The following TULP3 variants were observed in gnomAD, a reference collection of about 807,000 sequenced individuals.
TULP3 encodes the protein tubby-related protein 3.
Under a neutral mutation model 50.7 loss-of-function variants are expected in TULP3, and 38 were observed. The observed-to-expected ratio is 0.75, with a 90% CI of 0.58 to 0.98. The LOEUF (loss-of-function observed/expected upper bound fraction) is 0.98. Among genes scored for constraint, TULP3 ranks in the 50% least tolerant of loss-of-function variants. TULP3 has a pLI of 0.00. For synonymous variants in TULP3, 183 were observed against 196.6 expected (o/e 0.93, Z 0.58); for missense variants, 550 against 568.0 (o/e 0.97, Z 0.32).
chr12:2,931,184 G>C lies in TULP3; in HGVS notation c.640G>C (p.Asp214His), dbSNP rs376478642. 6.2e-7 allele frequency: 1 copy of C among 1,614,118 alleles called. No homozygotes were observed. The highest frequency in any genetic ancestry group is 8.5e-7 in the Non-Finnish European group (1 of 1,180,054). ...CRIIRDKRGM[D>H]RGLFPTYYMY... is the part of the protein sequence containing the mutation. ...GATAATCCGGGATAAAAGGGGAATGGATCGGGGTCTCTTCCCCACCTACTA... is the reference window on the plus strand; with the variant it reads ...GATAATCCGGGATAAAAGGGGAATGCATCGGGGTCTCTTCCCCACCTACTA... Residue 214 changes from aspartate to histidine, a missense_variant, in exon 6 of 11, where the codon GAT (aspartate) becomes CAT (histidine). Coordinates refer to ENST00000448120, the MANE Select transcript of TULP3 (RefSeq NM_003324.5).
At chr12:2,932,902 T>C (rs1015068158) in intron 6 of TULP3, among the ~76,000 whole-genome samples, 1 of 152,060 alleles carries the variant, frequency 6.6e-6, no homozygotes, top group African/African-American at 2.4e-5. Flanking sequence ...TTAGAAAAAC[T>C]GTATAGGAAG....
chr12:2,920,720 G>T, intron 2 of TULP3, 43 bp from the exon 3 acceptor site: 1 of 1,610,672 alleles, frequency 6.2e-7, no homozygotes, highest in Non-Finnish European at 8.5e-7. Context: ...GTTAGGTCAT[G>T]TCAAAACTCT....
chr12:2,903,864 A>G (rs1051450062), intron 1 of TULP3, among the ~76,000 whole-genome samples: 3 of 151,346 alleles, frequency 2.0e-5, no homozygotes, highest in African/African-American at 7.3e-5. Context: ...GCTCACTGCA[A>G]CCTCCGCCTC....
At chr12:2,901,497 T>G (rs1315755563) in intron 1 of TULP3, among the ~76,000 whole-genome samples, 1 of 151,990 alleles carries the variant, frequency 6.6e-6, no homozygotes, top group Non-Finnish European at 1.5e-5. Flanking sequence ...TTCTCCTGCC[T>G]CAGCCTCTTG....
intron 1 of TULP3, among the ~76,000 whole-genome samples, chr12:2,895,126 T>TAAA (rs1403822003): frequency 7.2e-5 from 11 of 152,238 alleles, no homozygotes; most frequent in Non-Finnish European, 1.3e-4. Flanking sequence ...GAATGCTTTT[T>TAAA]GCTTTTGCTG....
intron 4 of TULP3, among the ~76,000 whole-genome samples, chr12:2,923,514 G>T (rs2098192956): frequency 6.6e-6 from 1 of 152,024 alleles, no homozygotes; most frequent in African/African-American, 2.4e-5. Context: ...GCCAAGCATG[G>T]TGGTGGGTGC....
chr12:2,937,765 T>C (rs1399085864), intron 9 of TULP3, 36 bp downstream of exon 9: 3 of 1,430,314 alleles, frequency 2.1e-6, no homozygotes, highest in East Asian at 2.3e-5. Flanking sequence ...TGAAAGACTC[T>C]AAAAGACAGT....
rs56834874 is a variant in TULP3 at position 2,894,538 on chromosome 12, A to AACACACACAC, written c.41+3569_41+3578dup. Among the ~76,000 whole-genome samples the AACACACACAC allele has an allele frequency of 2.2e-3, 327 of 147,822 alleles. 1 individual carries two copies. The highest frequency in any genetic ancestry group is 7.2e-3 in the African/African-American group (288 of 40,026). ...TGACAGAGCAAGACTCCGTCTCAAA[A>AACACACACAC]ACACACACACACACACACACACACA... is the stretch of plus-strand genomic sequence containing the variant. On this transcript the variant is annotated intron_variant, in intron 1 of 10. Coordinates refer to ENST00000448120, the MANE Select transcript of TULP3 (RefSeq NM_003324.5).
chr12:2,922,536 GT>G, intron 4 of TULP3, 134 bp downstream of exon 4: 1 of 1,088,690 alleles, frequency 9.2e-7, no homozygotes, highest in Non-Finnish European at 1.3e-6. Flanking sequence ...AGGTGACAGT[GT>G]TTAGCATCTT....
chr12:2,900,385 A>G (rs2098178443), intron 1 of TULP3, among the ~76,000 whole-genome samples: 1 of 152,218 alleles, frequency 6.6e-6, no homozygotes, highest in Non-Finnish European at 1.5e-5. Flanking sequence ...AGTAACCTGT[A>G]TAAACATCAA....
chr12:2,922,484 A>G (rs2098192363), intron 4 of TULP3, 82 bp downstream of exon 4: 2 of 1,530,732 alleles, frequency 1.3e-6, no homozygotes, highest in Admixed American at 2.1e-5. Flanking sequence ...GTGGGTAACA[A>G]TCTACATGAC....
chr12:2,905,711 G>A (rs574018669), intron 1 of TULP3, among the ~76,000 whole-genome samples: 21 of 113,984 alleles, frequency 1.8e-4, no homozygotes, highest in African/African-American at 7.7e-4. Flanking sequence ...CTTGATGAAA[G>A]GAATAAGTGG....
intron 8 of TULP3, among the ~76,000 whole-genome samples, chr12:2,937,158 T>G (rs1278392385): frequency 1.0e-5 from 1 of 95,616 alleles, no homozygotes; most frequent in Admixed American, 9.6e-5. Flanking sequence ...TGTTTTTGAT[T>G]CTGTTTACAG....
chr12:2,895,605 A>G (rs2098175085), intron 1 of TULP3, among the ~76,000 whole-genome samples: 2 of 152,230 alleles, frequency 1.3e-5, no homozygotes, highest in South Asian at 4.1e-4. Context: ...GAGTTAGGAA[A>G]CATACTTTGT....
At chr12:2,934,586 C>CT (rs1236886734) in intron 8 of TULP3, 25 bp downstream of exon 8, 1 of 1,493,500 alleles carries the variant, frequency 6.7e-7, no homozygotes, top group Non-Finnish European at 9.0e-7. Context: ...CCCAGGGCCG[C>CT]TGCCTGCCCT....
At chr12:2,926,717 G>A (rs759714658) in intron 4 of TULP3, among the ~76,000 whole-genome samples, 18 of 152,070 alleles carry the variant, frequency 1.2e-4, no homozygotes, top group South Asian at 2.1e-4. Flanking sequence ...CCTGGCCAAC[G>A]TGGTGAAACT....
At chr12:2,916,929 G>C (rs961614401) in intron 2 of TULP3, among the ~76,000 whole-genome samples, 1 of 151,646 alleles carries the variant, frequency 6.6e-6, no homozygotes, top group African/African-American at 2.4e-5. Context: ...AGTTTGATTT[G>C]TCTGTAAGTA....
chr12:2,931,390 C>G (rs2098197963), intron 6 of TULP3, 150 bp downstream of exon 6: 1 of 735,470 alleles, frequency 1.4e-6, no homozygotes, highest in Non-Finnish European at 2.2e-6. Flanking sequence ...GCTGTGTTCT[C>G]ATTTTCTGCA....
intron 4 of TULP3, among the ~76,000 whole-genome samples, chr12:2,929,836 A>G (rs772595701): frequency 6.6e-6 from 1 of 150,910 alleles, no homozygotes; most frequent in Admixed American, 6.6e-5. Context: ...TGATCTGCCC[A>G]CCTCAGCCTC....
Sources: allele counts gnomAD v4.1 joint callset (sites outside exome capture counted in the v4.1 genomes callset), GRCh38; gene constraint gnomAD v4.1.1; transcripts MANE v1.5; gene names NCBI Gene and HGNC (gene_info 2026-07-23, HGNC 2026-07-21).